CPNE4: variants seen among roughly 807,000 people sequenced by gnomAD.
CPNE4 encodes the protein copine 4.
Under a neutral mutation model 67.9 loss-of-function variants are expected in CPNE4, and 25 were observed. That is an observed-to-expected ratio of 0.37 (90% CI 0.27 to 0.51). CPNE4 has a LOEUF of 0.51. CPNE4 is among the 20% of genes least tolerant of loss of function. The probability of loss-of-function intolerance (pLI) is 0.93; values close to 1 mark genes in which losing one functional copy is unlikely to be tolerated. For synonymous variants in CPNE4, 242 were observed against 244.9 expected, an observed-to-expected ratio of 0.99 and a Z score of 0.11; for missense variants, 464 against 690.8, an observed-to-expected ratio of 0.67 and a Z score of 3.68.
chr3:131,620,407 G>A (rs1940399071), intron 7 of CPNE4: 2 of 969,542 alleles, frequency 2.1e-6, no homozygotes, highest in Middle Eastern at 5.2e-4. Flanking sequence ...TTGGAATAGT[G>A]AGCCATTTTC....
intron 2 of CPNE4, among the ~76,000 whole-genome samples, chr3:131,872,293 T>C (rs2087249441): frequency 6.6e-6 from 1 of 152,018 alleles, no homozygotes; most frequent in Non-Finnish European, 1.5e-5. Context: ...GTTCACAAGA[T>C]TTGCAAGGGT....
chr3:132,011,865 T>G (rs2107678089), intron 1 of CPNE4, among the ~76,000 whole-genome samples: 1 of 152,318 alleles, frequency 6.6e-6, no homozygotes, highest in Admixed American at 6.5e-5. Context: ...ACCTTATTAC[T>G]CTTATCTTAT....
At chr3:131,536,672 T>C (rs539511871) in intron 15 of CPNE4, among the ~76,000 whole-genome samples, 1 of 152,368 alleles carries the variant, frequency 6.6e-6, no homozygotes, top group East Asian at 1.9e-4. Context: ...TTAAGCAATC[T>C]GAAAACACTG....
intron 7 of CPNE4, among the ~76,000 whole-genome samples, chr3:131,590,927 A>G (rs1350855397): frequency 6.6e-6 from 1 of 152,224 alleles, no homozygotes; most frequent in East Asian, 1.9e-4. Flanking sequence ...CTTTAATTCA[A>G]GGTAGGATGA....
chr3:131,654,762 T>C (rs926724950), intron 7 of CPNE4, among the ~76,000 whole-genome samples: 2 of 152,206 alleles, frequency 1.3e-5, no homozygotes, highest in African/African-American at 4.8e-5. Flanking sequence ...ACTAGAGTAG[T>C]GGTTCTCAAC....
At chr3:131,669,646 A>G in intron 7 of CPNE4, 29 bp downstream of exon 7, 1 of 1,539,250 alleles carries the variant, frequency 6.5e-7, no homozygotes, top group Non-Finnish European at 8.9e-7. Flanking sequence ...TTTTTAAAAA[A>G]TCACATTTCT....
At chr3:131,778,794 G>A (rs774870928) in intron 2 of CPNE4, among the ~76,000 whole-genome samples, 3 of 151,910 alleles carry the variant, frequency 2.0e-5, no homozygotes, top group Admixed American at 6.6e-5. Context: ...ATACAAAACC[G>A]GTGCTGCCAC....
chr3:131,806,564 A>T (rs1171155932), intron 2 of CPNE4, among the ~76,000 whole-genome samples: 1 of 152,058 alleles, frequency 6.6e-6, no homozygotes, highest in South Asian at 2.1e-4. Flanking sequence ...AAAAAAAAAA[A>T]AAAAAGAAAT....
At chr3:131,723,761 A>C (rs908801037) in intron 2 of CPNE4, 136 bp from the exon 3 acceptor site, 7 of 664,450 alleles carry the variant, frequency 1.1e-5, no homozygotes, top group Non-Finnish European at 1.5e-5. Flanking sequence ...GGGCAGTCCA[A>C]AAGTACAAAG....
At chr3:131,926,947 C>A (rs939249531) in intron 1 of CPNE4, among the ~76,000 whole-genome samples, 1 of 151,918 alleles carries the variant, frequency 6.6e-6, no homozygotes, top group Non-Finnish European at 1.5e-5. Flanking sequence ...GAGAGGGGTA[C>A]AGAATTGAGT....
intron 15 of CPNE4, among the ~76,000 whole-genome samples, chr3:131,535,939 A>G (rs1229327503): frequency 6.6e-6 from 1 of 152,230 alleles, no homozygotes; most frequent in Non-Finnish European, 1.5e-5. Flanking sequence ...GGCATAAAAA[A>G]CATAGAGACT....
intron 3 of CPNE4, among the ~76,000 whole-genome samples, chr3:131,711,451 A>C (rs1257113965): frequency 2.6e-5 from 4 of 152,118 alleles, no homozygotes; most frequent in African/African-American, 9.7e-5. Context: ...GTTTCTGATA[A>C]CTGGCTTGAA....
At chr3:131,748,867 A>G (rs888156610) in intron 2 of CPNE4, among the ~76,000 whole-genome samples, 1 of 151,174 alleles carries the variant, frequency 6.6e-6, no homozygotes, top group African/African-American at 2.4e-5. Context: ...TTTATTTCCC[A>G]GTTGTTACAG....
intron 1 of CPNE4, among the ~76,000 whole-genome samples, chr3:131,979,114 GGTCT>G (rs1477402072): frequency 6.6e-6 from 1 of 151,976 alleles, no homozygotes; most frequent in African/African-American, 2.4e-5. Context: ...CCTTTCATAT[GGTCT>G]GTCTTAGAGA....
intron 2 of CPNE4, among the ~76,000 whole-genome samples, chr3:131,848,956 C>CAAAAAAAA (rs67407668): frequency 1.1e-4 from 9 of 79,634 alleles, no homozygotes; most frequent in African/African-American, 2.8e-4. Flanking sequence ...GTAGTGATTA[C>CAAAAAAAA]AAAAAAAAAA....
intron 14 of CPNE4, among the ~76,000 whole-genome samples, chr3:131,546,485 C>T (rs771708925): frequency 4.6e-5 from 7 of 152,108 alleles, no homozygotes; most frequent in African/African-American, 1.4e-4. Context: ...AAGTTTATGA[C>T]CCTTAGAGAT....
chr3:131,979,701 G>A (rs1255047358), intron 1 of CPNE4, among the ~76,000 whole-genome samples: 1 of 151,992 alleles, frequency 6.6e-6, no homozygotes, highest in Admixed American at 6.6e-5. Context: ...ATTGAAATGT[G>A]AGGTACCATT....
At chr3:131,953,239 TAAAAAA>T (rs1167094357) in intron 1 of CPNE4, among the ~76,000 whole-genome samples, 8 of 97,136 alleles carry the variant, frequency 8.2e-5, no homozygotes, top group African/African-American at 2.2e-4. Context: ...AATGATCAAT[TAAAAAA>T]AAAAAAAAAA....
intron 2 of CPNE4, among the ~76,000 whole-genome samples, chr3:131,831,785 T>C (rs1006230105): frequency 6.6e-6 from 1 of 152,204 alleles, no homozygotes; most frequent in Admixed American, 6.5e-5. Flanking sequence ...GCGGACTTTG[T>C]CATTCAATAT....
Sources: gnomAD v4.1 joint callset for allele counts (sites outside exome capture counted in the v4.1 genomes callset) on GRCh38, gnomAD v4.1.1 for gene constraint, MANE v1.5 for transcripts, NCBI Gene and HGNC (gene_info 2026-07-23, HGNC 2026-07-21) for gene names.